The following ZZEF1 variants were observed in gnomAD, a reference collection of about 807,000 sequenced individuals.
ZZEF1 encodes the protein zinc finger ZZ-type and EF-hand domain containing 1.
ZZEF1 carries 157 observed loss-of-function variants against 342.8 expected under a neutral mutation model. The ratio of observed to expected loss-of-function variants is 0.46; its 90% CI spans 0.40 to 0.52. The LOEUF (loss-of-function observed/expected upper bound fraction) is 0.52, where lower values mean the gene tolerates loss of function less well. ZZEF1 is among the 20% of genes least tolerant of loss of function. The pLI, the probability that ZZEF1 is intolerant of heterozygous loss-of-function variation, is 0.00. For missense variants in ZZEF1, 3,480 were observed against 3,725.6 expected, an observed-to-expected ratio of 0.93 and a Z score of 1.72; for synonymous variants, 1,505 against 1,429.1, an observed-to-expected ratio of 1.05 and a Z score of -1.20.
intron 7 of ZZEF1, among the ~76,000 whole-genome samples, chr17:4,105,343 C>A (rs1361174256): frequency 6.6e-6 from 1 of 152,180 alleles, no homozygotes; most frequent in Middle Eastern, 3.2e-3. Flanking sequence ...TTTCCCAGTT[C>A]TGTAGGTAAT....
At chr17:4,135,555 A>G (rs1218726789) in intron 1 of ZZEF1, among the ~76,000 whole-genome samples, 1 of 152,104 alleles carries the variant, frequency 6.6e-6, no homozygotes, top group Non-Finnish European at 1.5e-5. Context: ...TGTTACACAC[A>G]TCAGTGATGC....
In ZZEF1 at chr17:4,072,654, T is replaced by C. The variant is rs1248684082; in HGVS notation, c.3788A>G (p.Glu1263Gly). The C allele has an allele frequency of 6.2e-7, 1 of 1,614,002 alleles. No homozygotes were observed. The highest frequency in any genetic ancestry group is 1.1e-5 in the South Asian group (1 of 91,050). ...VFRHQVCPEL[E>G]LEASWPTHPH... The stretch of plus-strand genomic sequence containing the variant: ...GTGAGTGGGCCAGCTTGCTTCTAAT[T>C]CCAACTCTGGACAAACCTGATGCCT... Residue 1263 changes from glutamate (E) to glycine (G), a missense_variant, in exon 25 of 55, where the codon GAA (glutamate) becomes GGA (glycine). Physicochemically the swap from Glu to Gly is moderately conservative, Grantham distance 98. This residue lies in a region of ZZEF1 where 1,528 missense variants were observed against 1,624.1 expected (regional missense o/e 0.94). Coordinates refer to ENST00000381638, the MANE Select transcript of ZZEF1 (RefSeq NM_015113.4).
rs1567848970 is a variant in ZZEF1 at position 4,109,555 on chromosome 17, A to G, written c.1277+98T>C. 3.0e-6 allele frequency: 4 copies of G among 1,330,390 alleles called. No individual in the cohort carries two copies. The South Asian group carries it at 5.1e-5, about 17-fold the overall frequency. 82.4% of individuals were successfully genotyped at this position (1,330,390 alleles called of 1,614,324 possible). ...CTGAGGCCGAGCTGACTGAGCCACA[A>G]CGATCAATGATGGAAGGCTGCTCAG... On this transcript the variant is annotated intron_variant, in intron 6 of 54. Coordinates refer to ENST00000381638, the MANE Select transcript of ZZEF1 (RefSeq NM_015113.4).
intron 35 of ZZEF1, among the ~76,000 whole-genome samples, chr17:4,051,451 C>T (rs1365616823): frequency 6.6e-6 from 1 of 152,078 alleles, no homozygotes; most frequent in Non-Finnish European, 1.5e-5. Context: ...GATGGAGTCT[C>T]GTTCTGTCGC....
chr17:4,078,478 T>C (rs958084626), intron 18 of ZZEF1, among the ~76,000 whole-genome samples: 1 of 152,214 alleles, frequency 6.6e-6, no homozygotes, highest in African/African-American at 2.4e-5. Flanking sequence ...GACCTCCAGA[T>C]ACGGAAGATT....
At chr17:4,066,233 T>A (rs9892466) in intron 28 of ZZEF1, among the ~76,000 whole-genome samples, 56,111 of 152,114 alleles carry the variant, frequency 0.37, 11,183 homozygotes, top group African/African-American at 0.53. Context: ...ATTAGAAAGA[T>A]GTTCCATTTG....
In ZZEF1 at chr17:4,008,042, C is replaced by T. The variant is rs893543901; in HGVS notation, c.8805+841G>A. On this transcript the variant is annotated intron_variant, in intron 54 of 54. Coordinates refer to ENST00000381638, the MANE Select transcript of ZZEF1 (RefSeq NM_015113.4). This position sits in a 1 kb window ranked among gnomAD's most constrained non-coding sequence, Gnocchi z 4.2. ...ATGTACTCTGGGGCCAGGCGACTCC[C>T]GAGACCCTTTTGGGGTCTGCAAGGT... Among the ~76,000 whole-genome samples the T allele has an allele frequency of 2.6e-5, 4 of 152,106 alleles. No individual in the cohort carries two copies. The highest frequency in any genetic ancestry group is 1.9e-4 in the East Asian group (1 of 5,182).
rs966755748 is a variant in ZZEF1 at position 4,110,993 on chromosome 17, G to C, written c.1067-1130C>G. On this transcript the variant is annotated intron_variant, in intron 5 of 54. Coordinates refer to ENST00000381638, the MANE Select transcript of ZZEF1 (RefSeq NM_015113.4). ...CTCCCAAAGTGCTGGGATTGGAGGTGTGAGCCACTGCACCCAGCCAATTAC... is the reference window on the plus strand; with the variant it reads ...CTCCCAAAGTGCTGGGATTGGAGGTCTGAGCCACTGCACCCAGCCAATTAC... Among the ~76,000 whole-genome samples, 6 of 152,312 alleles carry C rather than the reference G, an allele frequency of 3.9e-5. No individual in the cohort carries two copies. In the East Asian group the frequency reaches 1.2e-3, roughly 29 times the overall value.
At chr17:4,106,621 C>T (rs564743484) in intron 6 of ZZEF1, among the ~76,000 whole-genome samples, 7 of 152,124 alleles carry the variant, frequency 4.6e-5, no homozygotes, top group Non-Finnish European at 8.8e-5. Flanking sequence ...GGCCTTTCCA[C>T]CTTAATGTCT....
At chr17:4,058,399 G>C (rs764028226) in intron 31 of ZZEF1, among the ~76,000 whole-genome samples, 2 of 152,196 alleles carry the variant, frequency 1.3e-5, no homozygotes, top group Non-Finnish European at 2.9e-5. Flanking sequence ...GTATCTTATG[G>C]TAAAGAACTG....
Position 4,098,692 on chromosome 17 carries a change from G to C in ZZEF1, c.1673-1992C>G, listed in dbSNP as rs147279109. On this transcript the variant is annotated intron_variant, in intron 9 of 54. Transcript: ENST00000381638. The stretch of plus-strand genomic sequence containing the variant: ...ATGACAAGACTAAAACCAATTTCAT[G>C]CTTCCTGTTTCATTACATGGAGTTC... 3.1e-4 allele frequency among the ~76,000 whole-genome samples: 47 copies of C among 152,172 alleles called. 1 individual carries two copies. The highest frequency in any genetic ancestry group is 4.1e-4 in the South Asian group (2 of 4,830).
intron 53 of ZZEF1, 135 bp from the exon 54 acceptor site, chr17:4,009,089 G>A (rs545303372): frequency 3.1e-5 from 34 of 1,100,348 alleles, no homozygotes; most frequent in East Asian, 1.0e-4. Flanking sequence ...CCAGCACCGC[G>A]TGGCACTGCC....
chr17:4,067,078 G>C, intron 27 of ZZEF1, 85 bp downstream of exon 27: 1 of 1,147,822 alleles, frequency 8.7e-7, no homozygotes, highest in Non-Finnish European at 1.3e-6. Context: ...CTATATTCTT[G>C]AGAAGAGAAC....
chr17:4,056,034 C>T (rs764812213), intron 33 of ZZEF1, among the ~76,000 whole-genome samples, 182 bp downstream of exon 33: 1 of 152,232 alleles, frequency 6.6e-6, no homozygotes, highest in South Asian at 2.1e-4. Flanking sequence ...CAGCCTCCCT[C>T]GCTTGCCTGC....
intron 30 of ZZEF1, 86 bp from the exon 31 acceptor site, chr17:4,059,376 G>A: frequency 6.6e-7 from 1 of 1,513,154 alleles, no homozygotes; most frequent in Non-Finnish European, 8.8e-7. Flanking sequence ...ATGAAAAAGA[G>A]CAAGTGGCAG....
intron 39 of ZZEF1, among the ~76,000 whole-genome samples, chr17:4,036,815 A>ACTCTCT (rs1416299428): frequency 1.3e-5 from 1 of 78,726 alleles, no homozygotes; most frequent in Non-Finnish European, 2.3e-5. Flanking sequence ...ACACACACAC[A>ACTCTCT]CACTCTCTCT....
chr17:4,128,994 C>T (rs943851179), intron 1 of ZZEF1, among the ~76,000 whole-genome samples: 25 of 149,658 alleles, frequency 1.7e-4, no homozygotes, highest in Admixed American at 1.4e-3. Context: ...GTCTTGATCT[C>T]TTGACCTTGT....
chr17:4,025,831 T>C (rs964039030), intron 42 of ZZEF1, among the ~76,000 whole-genome samples: 3 of 152,092 alleles, frequency 2.0e-5, no homozygotes, highest in Non-Finnish European at 4.4e-5. Context: ...AAAGGTAGTA[T>C]AGGACTATGA....
chr17:4,042,602 G>C lies in ZZEF1; in HGVS notation c.6167-34C>G, dbSNP rs780325084. 6.2e-6 allele frequency: 10 copies of C among 1,604,950 alleles called. No individual in the cohort carries two copies. The South Asian group carries it at 1.0e-4, about 16-fold the overall frequency. On this transcript the variant is annotated intron_variant, in intron 38 of 54. Transcript: ENST00000381638. ...TAAAACAAACTTTCAGAATTTGCCT[G>C]CATCTCCACATGTATGAAGAGGCAA...
Sources: gnomAD v4.1 joint callset for allele counts (sites outside exome capture counted in the v4.1 genomes callset) on GRCh38, gnomAD v4.1.1 for gene constraint, gnomAD v4.1.1 regional missense constraint, Gnocchi (gnomAD v3.1) non-coding constraint, MANE v1.5 for transcripts, NCBI Gene and HGNC (gene_info 2026-07-23, HGNC 2026-07-21) for gene names.